Variants in ADAMTS2 observed in about 807,000 individuals in gnomAD.
ADAMTS2 encodes the protein A disintegrin and metalloproteinase with thrombospondin motifs 2.
A neutral mutation model predicts 123.0 loss-of-function variants in ADAMTS2; 50 were observed. The observed-to-expected ratio is 0.41, with a 90% CI of 0.32 to 0.51. ADAMTS2 has a LOEUF of 0.51. Ranked by LOEUF, ADAMTS2 falls within the 20% of genes least tolerant of loss-of-function variation. ADAMTS2 has a pLI of 0.35. For synonymous variants in ADAMTS2, 678 were observed against 695.4 expected, an observed-to-expected ratio of 0.98 and a Z score of 0.39; for missense variants, 1,494 against 1,705.2, an observed-to-expected ratio of 0.88 and a Z score of 2.18.
intron 3 of ADAMTS2, among the ~76,000 whole-genome samples, chr5:179,243,113 G>A (rs1765705118): frequency 6.8e-6 from 1 of 147,560 alleles, no homozygotes; most frequent in Non-Finnish European, 1.5e-5. Context: ...AGCTCTATGA[G>A]AACAACAACC....
chr5:179,263,432 T>A (rs1360293228), intron 3 of ADAMTS2, among the ~76,000 whole-genome samples: 1 of 152,240 alleles, frequency 6.6e-6, no homozygotes, highest in Admixed American at 6.5e-5. Flanking sequence ...TGAACCCGCA[T>A]GGCATTCAGG....
intron 2 of ADAMTS2, among the ~76,000 whole-genome samples, chr5:179,333,151 G>A (rs958764841): frequency 1.2e-4 from 18 of 152,184 alleles, no homozygotes; most frequent in Non-Finnish European, 1.9e-4. Flanking sequence ...ATCCCAAGCC[G>A]GGCCATGCCC....
chr5:179,271,924 A>G (rs1182138862), intron 3 of ADAMTS2, among the ~76,000 whole-genome samples: 1 of 152,074 alleles, frequency 6.6e-6, no homozygotes, highest in Non-Finnish European at 1.5e-5. Flanking sequence ...GGCCCAGCCC[A>G]GGCCCCTGGA....
At chr5:179,177,459 A>T (rs1417276716) in intron 5 of ADAMTS2, among the ~76,000 whole-genome samples, 1 of 152,240 alleles carries the variant, frequency 6.6e-6, no homozygotes, top group Non-Finnish European at 1.5e-5. Flanking sequence ...ACATGAGTTT[A>T]CAGGGTATTG....
At chr5:179,339,049 G>A (rs1757696031) in intron 2 of ADAMTS2, among the ~76,000 whole-genome samples, 1 of 152,150 alleles carries the variant, frequency 6.6e-6, no homozygotes, top group East Asian at 1.9e-4. Flanking sequence ...CCCAACATGG[G>A]GTCTGGAGTC....
chr5:179,164,216 G>C (rs543375138), intron 5 of ADAMTS2, among the ~76,000 whole-genome samples: 1 of 152,216 alleles, frequency 6.6e-6, no homozygotes, highest in Admixed American at 6.5e-5. Flanking sequence ...GCACAGAGGA[G>C]CCCAGGGGCA....
chr5:179,227,712 G>A (rs905496184), intron 3 of ADAMTS2, among the ~76,000 whole-genome samples: 1 of 152,150 alleles, frequency 6.6e-6, no homozygotes, highest in Non-Finnish European at 1.5e-5. Context: ...TCCTGACCAC[G>A]GCCCACAGGA....
chr5:179,340,474 C>T (rs1419538006), intron 2 of ADAMTS2, among the ~76,000 whole-genome samples: 2 of 152,218 alleles, frequency 1.3e-5, no homozygotes, highest in Admixed American at 1.3e-4. Flanking sequence ...ATGAGAACGT[C>T]TCCAGGAGTC....
At chr5:179,214,083 G>A (rs1764920104) in intron 3 of ADAMTS2, among the ~76,000 whole-genome samples, 1 of 151,782 alleles carries the variant, frequency 6.6e-6, no homozygotes, top group Admixed American at 6.6e-5. Flanking sequence ...CAAAAGCCGT[G>A]CCCACAGTCA....
At chr5:179,342,011 C>A (rs1757788199) in intron 2 of ADAMTS2, among the ~76,000 whole-genome samples, 1 of 152,242 alleles carries the variant, frequency 6.6e-6, no homozygotes, top group South Asian at 2.1e-4. Context: ...CAGGAGCACA[C>A]TCTCCAAGTC....
At chr5:179,283,991 T>G in intron 2 of ADAMTS2, among the ~76,000 whole-genome samples, 1 of 114,220 alleles carries the variant, frequency 8.8e-6, no homozygotes, top group Non-Finnish European at 1.9e-5. Context: ...TATTATTATT[T>G]TGGAGACTCC....
intron 3 of ADAMTS2, among the ~76,000 whole-genome samples, chr5:179,261,220 G>A (rs1248640638): frequency 1.3e-5 from 2 of 152,194 alleles, no homozygotes; most frequent in African/African-American, 4.8e-5. Flanking sequence ...GAGACATGCA[G>A]AGTAATCAAA....
At chr5:179,300,853 G>A (rs537129057) in intron 2 of ADAMTS2, among the ~76,000 whole-genome samples, 3 of 152,352 alleles carry the variant, frequency 2.0e-5, no homozygotes, top group South Asian at 4.1e-4. Flanking sequence ...CCAGCAGACA[G>A]ATAAACCGTT....
chr5:179,156,968 T>TC (rs1465903988), intron 6 of ADAMTS2, among the ~76,000 whole-genome samples: 1 of 145,688 alleles, frequency 6.9e-6, no homozygotes, highest in African/African-American at 2.5e-5. Flanking sequence ...TTTCTTTTTT[T>TC]TTTTTTTTTT....
At chr5:179,208,471 G>A (rs932150153) in intron 3 of ADAMTS2, among the ~76,000 whole-genome samples, 4 of 152,204 alleles carry the variant, frequency 2.6e-5, no homozygotes, top group Non-Finnish European at 4.4e-5. Flanking sequence ...GCTGCAGTCG[G>A]CCCTGGGCAG....
At chr5:179,337,905 A>G (rs26812) in intron 2 of ADAMTS2, among the ~76,000 whole-genome samples, 69,645 of 126,848 alleles carry the variant, frequency 0.55, 20,689 homozygotes, top group East Asian at 0.73. Context: ...TGTGGCCCCT[A>G]TGAGCCTCAC....
rs1345604514 is a variant in ADAMTS2 at position 179,162,236 on chromosome 5, G to T, written c.976-3357C>A. 6.6e-6 allele frequency among the ~76,000 whole-genome samples: 1 copy of T among 152,136 alleles called. No homozygotes were observed. The highest frequency in any genetic ancestry group is 1.5e-5 in the Non-Finnish European group (1 of 68,030). On this transcript the variant is annotated intron_variant, in intron 5 of 21. Coordinates refer to ENST00000251582, the MANE Select transcript of ADAMTS2 (RefSeq NM_014244.5). The surrounding 1 kb of genome is among the most constrained non-coding windows in gnomAD (Gnocchi z 5.1). The stretch of plus-strand genomic sequence containing the variant: ...TGAAACTTCCCCTCCTTTAATCTGA[G>T]TCAGACCCCAGGCTTCAGGGGCAGG...
chr5:179,205,733 T>A (rs187188390), intron 4 of ADAMTS2, among the ~76,000 whole-genome samples: 4 of 150,428 alleles, frequency 2.7e-5, no homozygotes, highest in African/African-American at 9.8e-5. Context: ...AGGGGCTCGA[T>A]AATGTAGCCA....
intron 2 of ADAMTS2, among the ~76,000 whole-genome samples, chr5:179,273,898 G>T (rs2013658): frequency 0.28 from 42,991 of 151,674 alleles, 7,142 homozygotes; most frequent in Admixed American, 0.37. Flanking sequence ...CTCCCAGACC[G>T]CGGCTTGCAC....
Sources: gnomAD v4.1 joint callset for allele counts (sites outside exome capture counted in the v4.1 genomes callset) on GRCh38, gnomAD v4.1.1 for gene constraint, Gnocchi (gnomAD v3.1) non-coding constraint, MANE v1.5 for transcripts, NCBI Gene and HGNC (gene_info 2026-07-23, HGNC 2026-07-21) for gene names.